The following ADAM19 variants were observed in gnomAD, a reference collection of about 807,000 sequenced individuals.
The protein encoded by ADAM19 is ADAM metallopeptidase domain 19.
ADAM19 carries 65 observed loss-of-function variants against 114.7 expected under a neutral mutation model. The observed-to-expected ratio is 0.57, with a 90% confidence interval of 0.46 to 0.70. The LOEUF (loss-of-function observed/expected upper bound fraction) is 0.70, where lower values mean the gene tolerates loss of function less well. ADAM19 is among the 30% of genes least tolerant of loss of function. ADAM19 has a pLI of 0.00. For missense variants in ADAM19, 1,063 were observed against 1,204.7 expected, an observed-to-expected ratio of 0.88 and a Z score of 1.74; for synonymous variants, 466 against 460.5, an observed-to-expected ratio of 1.01 and a Z score of -0.15.
At chr5:157,488,857 C>T (rs1365255147) in intron 20 of ADAM19, among the ~76,000 whole-genome samples, 1 of 152,070 alleles carries the variant, frequency 6.6e-6, no homozygotes, top group Non-Finnish European at 1.5e-5. Flanking sequence ...CGGTGAAACC[C>T]CGTCTCTATT....
chr5:157,542,792 C>T (rs1756951989), intron 3 of ADAM19, among the ~76,000 whole-genome samples: 1 of 152,166 alleles, frequency 6.6e-6, no homozygotes, highest in South Asian at 2.1e-4. Flanking sequence ...GTGACAGAGC[C>T]AGATTCTGTC....
chr5:157,565,437 G>C (rs758697476), intron 2 of ADAM19, among the ~76,000 whole-genome samples: 1 of 152,136 alleles, frequency 6.6e-6, no homozygotes, highest in African/African-American at 2.4e-5. Context: ...GTTTAGACTC[G>C]GCCGGGCACA....
chr5:157,573,741 G>GAAA (rs72337429), intron 1 of ADAM19, among the ~76,000 whole-genome samples: 1 of 128,782 alleles, frequency 7.8e-6, no homozygotes, highest in South Asian at 2.5e-4. Context: ...TAGAGACTCT[G>GAAA]AAAAAAAAAA....
At chr5:157,486,583 G>A (rs953806421) in intron 21 of ADAM19, among the ~76,000 whole-genome samples, 1 of 152,076 alleles carries the variant, frequency 6.6e-6, no homozygotes, top group Non-Finnish European at 1.5e-5. Flanking sequence ...TCAGCACCTA[G>A]GGGTGACAGG....
chr5:157,554,617 C>T lies in ADAM19; in HGVS notation c.251+9756G>A, dbSNP rs577051330. ...TCCCAGGGGCAATGGGTTTTAAGGT[C>T]AACTCTTCTTAATTACATTTGGAAA... On this transcript the variant is annotated intron_variant, in intron 3 of 22. Coordinates refer to ENST00000257527, the MANE Select transcript of ADAM19 (RefSeq NM_033274.5). Among the ~76,000 whole-genome samples, 22 of 152,336 alleles carry T rather than the reference C, an allele frequency of 1.4e-4. 1 individual carries two copies. In the South Asian group the frequency reaches 4.4e-3, roughly 30 times the overall value.
In ADAM19 at chr5:157,518,816, C is replaced by T; in HGVS notation, c.666+7G>A. ...TTTTTCTGCAAGACCCATTGCCTCC[C>T]CCTTACCTCTAAATAATCAGCCACG... On this transcript the variant is annotated splice_region_variant and intron_variant, in intron 7 of 22. Transcript: ENST00000257527. 6.2e-7 allele frequency: 1 copy of T among 1,611,886 alleles called. No homozygotes were observed. The highest frequency in any genetic ancestry group is 8.5e-7 in the Non-Finnish European group (1 of 1,177,910).
intron 10 of ADAM19, 40 bp downstream of exon 10, chr5:157,507,016 C>A: frequency 6.4e-7 from 1 of 1,555,334 alleles, no homozygotes; most frequent in Non-Finnish European, 8.9e-7. Flanking sequence ...AAAGGCAGCT[C>A]AGCGCCTTCT....
intron 5 of ADAM19, among the ~76,000 whole-genome samples, chr5:157,521,940 A>G (rs1297606017): frequency 6.6e-6 from 1 of 152,220 alleles, no homozygotes; most frequent in Non-Finnish European, 1.5e-5. Flanking sequence ...GGTTGCCAAG[A>G]TTACACCCAG....
At chr5:157,515,586 G>A (rs1313964194) in intron 7 of ADAM19, among the ~76,000 whole-genome samples, 1 of 152,206 alleles carries the variant, frequency 6.6e-6, no homozygotes, top group Non-Finnish European at 1.5e-5. Context: ...GCCTGGCTGT[G>A]TTCCAGTAAA....
chr5:157,480,528 G>C lies in ADAM19; in HGVS notation c.*421C>G, dbSNP rs953681175. On this transcript the variant is annotated 3_prime_UTR_variant, in exon 23 of 23. Coordinates refer to ENST00000257527, the MANE Select transcript of ADAM19 (RefSeq NM_033274.5). The stretch of plus-strand genomic sequence containing the variant: ...CCATCCAGCCCGGGACCTCTGAGGA[G>C]AGCAGAAGCAATGGGAAGCTCTCTT... 1 of 1,016,200 alleles carries C rather than the reference G, an allele frequency of 9.8e-7. No homozygotes were observed. Among genetic ancestry groups the C allele is most frequent in the Non-Finnish European group, 1.2e-6 (1 of 849,032 alleles). The allele number at this position is 1,016,200 out of a possible 1,614,324, so 62.9% of individuals were successfully genotyped here. A position where few individuals can be genotyped will look rare whatever the true frequency, so the allele number is the denominator to read the frequency against.
At position 157,480,362 on chromosome 5, in the gene ADAM19, G is replaced by A. The variant is rs1343307299; in HGVS notation, c.*587C>T. 3 of 987,632 alleles carry A rather than the reference G, an allele frequency of 3.0e-6. No homozygotes were observed. In the African/African-American group the frequency reaches 5.2e-5, roughly 17 times the overall value. The allele number at this position is 987,632 out of a possible 1,614,324, so 61.2% of individuals were successfully genotyped here. ...GGGATGCAGGGGTTTGGGGAGAGGTGGGAGGGGACGTGGCTTGTCACATGC... is the reference window on the plus strand; with the variant it reads ...GGGATGCAGGGGTTTGGGGAGAGGTAGGAGGGGACGTGGCTTGTCACATGC... On this transcript the variant is annotated 3_prime_UTR_variant, in exon 23 of 23. Transcript: ENST00000257527.
intron 3 of ADAM19, among the ~76,000 whole-genome samples, chr5:157,547,400 G>A (rs1483814336): frequency 6.6e-6 from 1 of 152,274 alleles, no homozygotes; most frequent in Non-Finnish European, 1.5e-5. Flanking sequence ...GGAGTGATTA[G>A]GCCATGAGGG....
intron 4 of ADAM19, among the ~76,000 whole-genome samples, chr5:157,535,170 GGTCAA>G (rs1004193855): frequency 6.6e-6 from 1 of 152,198 alleles, no homozygotes; most frequent in African/African-American, 2.4e-5. Flanking sequence ...ACACTAGTGT[GGTCAA>G]GGGGGTTGTT....
chr5:157,542,541 T>C (rs961454891), intron 3 of ADAM19, among the ~76,000 whole-genome samples: 2 of 152,230 alleles, frequency 1.3e-5, no homozygotes, highest in African/African-American at 4.8e-5. Context: ...CTGGGTGCAA[T>C]GGCTCACGCC....
chr5:157,573,253 G>C (rs1757880387), intron 1 of ADAM19, among the ~76,000 whole-genome samples: 1 of 152,164 alleles, frequency 6.6e-6, no homozygotes, highest in South Asian at 2.1e-4. Context: ...AATAAGGCAA[G>C]AGCAAGCAAG....
At chr5:157,502,394 G>A (rs1186116534) in intron 12 of ADAM19, among the ~76,000 whole-genome samples, 1 of 152,172 alleles carries the variant, frequency 6.6e-6, no homozygotes, top group African/African-American at 2.4e-5. Flanking sequence ...AGCCTAAACA[G>A]CATGAGCTTG....
At chr5:157,556,185 T>C (rs1475876341) in intron 3 of ADAM19, among the ~76,000 whole-genome samples, 6 of 151,468 alleles carry the variant, frequency 4.0e-5, no homozygotes, top group Non-Finnish European at 7.4e-5. Context: ...GCAAGGTTTT[T>C]ATAACCTGTT....
In ADAM19 at chr5:157,530,053, T is replaced by A. The variant is rs140618150; in HGVS notation, c.407+754A>T. ...TCATCCATCCCGAGCATATTAACCA[T>A]GTGTCTTCTTTTTTATCTTCTGTTT... On this transcript the variant is annotated intron_variant, in intron 5 of 22. Transcript: ENST00000257527. Among the ~76,000 whole-genome samples, 6 of 152,294 alleles carry A rather than the reference T, an allele frequency of 3.9e-5. No homozygotes were observed. In the East Asian group the frequency reaches 1.2e-3, roughly 29 times the overall value.
At chr5:157,556,196 T>C (rs1263921862) in intron 3 of ADAM19, among the ~76,000 whole-genome samples, 2 of 142,616 alleles carry the variant, frequency 1.4e-5, no homozygotes, top group Non-Finnish European at 1.5e-5. Context: ...ATAACCTGTT[T>C]TTTTTTCTTT....
Sources: gnomAD v4.1 joint callset for allele counts (sites outside exome capture counted in the v4.1 genomes callset) on GRCh38, gnomAD v4.1.1 for gene constraint, MANE v1.5 for transcripts, NCBI Gene and HGNC (gene_info 2026-07-23, HGNC 2026-07-21) for gene names.